Variants in SPINDOC observed in about 807,000 individuals in gnomAD.
SPINDOC encodes spindlin interactor and repressor of chromatin-binding protein.
A neutral mutation model predicts 30.7 loss-of-function variants in SPINDOC; 13 were observed. That is an observed-to-expected ratio of 0.42 (90% CI 0.28 to 0.67). SPINDOC has a LOEUF of 0.67. Ranked by LOEUF, SPINDOC falls within the 30% of genes least tolerant of loss-of-function variation. The pLI is 0.22. For missense variants in SPINDOC, 438 were observed against 518.0 expected, an observed-to-expected ratio of 0.85 and a Z score of 1.50; for synonymous variants, 228 against 211.4, an observed-to-expected ratio of 1.08 and a Z score of -0.68.
Position 63,813,721 on chromosome 11 carries a change from G to C in SPINDOC, c.35G>C (p.Cys12Ser), listed in dbSNP as rs778079108. Reference protein sequence around the residue: ...ALKAEGAALDCFEVTLKCEEG... With the variant: ...ALKAEGAALDSFEVTLKCEEG... ...AAGGCCGAGGGCGCCGCACTCGACT[G>C]CTTCGAGGTGACGCTGAAATGCGAG... The change falls in exon 1 of 6, where the codon TGC becomes TCC. Residue 12 changes from cysteine (C) to serine (S), a missense_variant. Cys to Ser is a moderately radical substitution (Grantham distance 112). Around this residue, in one of 3 missense-constraint regions of SPINDOC, gnomAD observed 129 missense variants for 152.7 expected, o/e 0.84. Transcript: ENST00000294244. 3 of 1,593,928 alleles carry C rather than the reference G, an allele frequency of 1.9e-6. No individual in the cohort carries two copies. In the Admixed American group the frequency reaches 5.2e-5, roughly 28 times the overall value.
At chr11:63,814,209 T>C (rs2015277046) in intron 1 of SPINDOC, among the ~76,000 whole-genome samples, 1 of 152,142 alleles carries the variant, frequency 6.6e-6, no homozygotes, top group African/African-American at 2.4e-5. Flanking sequence ...CCGGGCTGTG[T>C]TCTAGTCCGA....
At chr11:63,823,757 C>A (rs1461790077) in intron 5 of SPINDOC, among the ~76,000 whole-genome samples, 1 of 151,988 alleles carries the variant, frequency 6.6e-6, no homozygotes, top group Non-Finnish European at 1.5e-5. Context: ...CACCACCACA[C>A]CTGGCTAATT....
chr11:63,814,015 C>T (rs2015270064), intron 1 of SPINDOC, among the ~76,000 whole-genome samples: 1 of 152,210 alleles, frequency 6.6e-6, no homozygotes, highest in African/African-American at 2.4e-5. Flanking sequence ...CCTCGATTTC[C>T]CCCTCCCTTC....
chr11:63,817,090 A>C (rs2015361236), intron 1 of SPINDOC, among the ~76,000 whole-genome samples: 1 of 152,146 alleles, frequency 6.6e-6, no homozygotes, highest in Non-Finnish European at 1.5e-5. Flanking sequence ...CTAAGGCTGG[A>C]GGGTCCCTTG....
At chr11:63,822,603 C>T (rs1175404369) in intron 5 of SPINDOC, 10 of 1,288,912 alleles carry the variant, frequency 7.8e-6, no homozygotes, top group East Asian at 1.1e-4. Flanking sequence ...CACCCCTTCA[C>T]GTAGATCACA....
intron 5 of SPINDOC, chr11:63,822,979 C>T (rs2015568101): frequency 1.9e-6 from 2 of 1,072,702 alleles, no homozygotes; most frequent in Non-Finnish European, 2.5e-6. Context: ...AGGGTGTTGT[C>T]AGCAGTGGCA....
intron 5 of SPINDOC, among the ~76,000 whole-genome samples, chr11:63,823,819 C>T (rs1158990327): frequency 2.0e-5 from 3 of 151,868 alleles, no homozygotes; most frequent in South Asian, 2.1e-4. Context: ...AGGATGGTCT[C>T]GATCTCCTGA....
At chr11:63,822,606 A>T (rs1298989482) in intron 5 of SPINDOC, 45 of 1,288,900 alleles carry the variant, frequency 3.5e-5, no homozygotes, top group Non-Finnish European at 4.3e-5. Flanking sequence ...CCCTTCACGT[A>T]GATCACAGTT....
chr11:63,821,782 G>C (rs1480784275), intron 5 of SPINDOC, among the ~76,000 whole-genome samples: 1 of 152,112 alleles, frequency 6.6e-6, no homozygotes, highest in Non-Finnish European at 1.5e-5. Flanking sequence ...TTGAGACAGA[G>C]TCCCTGCCCA....
At chr11:63,821,585 A>T (rs114685127) in intron 5 of SPINDOC, among the ~76,000 whole-genome samples, 233 of 152,336 alleles carry the variant, frequency 1.5e-3, no homozygotes, top group African/African-American at 5.5e-3. Context: ...CATGCCAAGC[A>T]TAGTTTACAG....
chr11:63,817,306 A>T (rs2015367431), intron 1 of SPINDOC, among the ~76,000 whole-genome samples: 1 of 152,198 alleles, frequency 6.6e-6, no homozygotes, highest in East Asian at 1.9e-4. Flanking sequence ...AGATTACGCC[A>T]TTGCATTCCA....
intron 5 of SPINDOC, among the ~76,000 whole-genome samples, chr11:63,820,907 A>AAAAAAAAAAAAC (rs2015501781): frequency 6.8e-6 from 1 of 147,844 alleles, no homozygotes; most frequent in Admixed American, 6.8e-5. Context: ...AAAAAAAAAA[A>AAAAAAAAAAAAC]CAACACACAT....
chr11:63,827,165 G>A lies in SPINDOC; in HGVS notation c.*26G>A. ...ATTCTTGCTTTCCTGGGGAGGGAGG[G>A]AGGGATGAGGCAGCGTCCCCCAGTG... On this transcript the variant is annotated 3_prime_UTR_variant, in exon 6 of 6. Transcript: ENST00000294244. The A allele has an allele frequency of 1.4e-6, 2 of 1,476,790 alleles. No homozygotes were observed. Among genetic ancestry groups the A allele is most frequent in the Non-Finnish European group, 1.8e-6 (2 of 1,082,218 alleles). The allele number at this position is 1,476,790 out of a possible 1,614,324, so 91.5% of individuals were successfully genotyped here. A position where few individuals can be genotyped will look rare whatever the true frequency, so the allele number is the denominator to read the frequency against.
chr11:63,819,483 G>A (rs534605369), intron 5 of SPINDOC, among the ~76,000 whole-genome samples: 30 of 147,606 alleles, frequency 2.0e-4, no homozygotes, highest in African/African-American at 5.8e-4. Flanking sequence ...AGTACACCAC[G>A]CCTGGCCTAT....
At chr11:63,822,356 T>TAAAAAAAAAAAAAAAA (rs753315518) in intron 5 of SPINDOC, among the ~76,000 whole-genome samples, 113 of 58,620 alleles carry the variant, frequency 1.9e-3, no homozygotes, top group South Asian at 3.4e-3. Context: ...CTAGACTGTC[T>TAAAAAAAAAAAAAAAA]AAAAAAAAAA....
In SPINDOC at chr11:63,827,537, C is replaced by T. The variant is rs532713929; in HGVS notation, c.*398C>T. On this transcript the variant is annotated 3_prime_UTR_variant, in exon 6 of 6. Coordinates refer to ENST00000294244, the MANE Select transcript of SPINDOC (RefSeq NM_138471.3). ...CTGAGTCCCACTACCTCGGGGGACA[C>T]CTCTCCTCCCCACTTGTTCAGGCTT... 8.3e-6 allele frequency: 2 copies of T among 240,564 alleles called. No homozygotes were observed. The highest frequency in any genetic ancestry group is 9.3e-5 in the East Asian group (1 of 10,758). The allele number at this position is 240,564 out of a possible 1,614,324, so 14.9% of individuals were successfully genotyped here.
rs371764106 is a variant in SPINDOC, at chr11:63,818,355, C to T, written c.597C>T (p.Leu199=). ...GCCGGCCCAGGGGACTCCGCCCCCTCGAGCTTCCTGGTTAGTCAACAGAGA... is the reference window on the plus strand; with the variant it reads ...GCCGGCCCAGGGGACTCCGCCCCCTTGAGCTTCCTGGTTAGTCAACAGAGA... ...KRSRPRGLRP[L]ELPAVPATEP... Residue 199 remains leucine (L), a synonymous_variant, in exon 3 of 6, where the codon CTC becomes CTT. Coordinates refer to ENST00000294244, the MANE Select transcript of SPINDOC (RefSeq NM_138471.3). This position sits in a 1 kb window ranked among gnomAD's most constrained non-coding sequence, Gnocchi z 5.3. 6.1e-4 allele frequency: 988 copies of T among 1,613,806 alleles called. 11 individuals are homozygous for T. In the South Asian group the frequency reaches 8.5e-3, roughly 14 times the overall value.
At chr11:63,814,020 C>G (rs937906664) in intron 1 of SPINDOC, among the ~76,000 whole-genome samples, 2 of 152,248 alleles carry the variant, frequency 1.3e-5, no homozygotes, top group African/African-American at 4.8e-5. Context: ...ATTTCCCCCT[C>G]CCTTCCCCTT....
At chr11:63,816,969 A>ATGAGCTGAGATTACGCCATTGCATT (rs2015358460) in intron 1 of SPINDOC, among the ~76,000 whole-genome samples, 1 of 151,228 alleles carries the variant, frequency 6.6e-6, no homozygotes. Context: ...GGAGTTCACA[A>ATGAGCTGAGATTACGCCATTGCATT]CCAGCCTGGG....
Sources: allele counts gnomAD v4.1 joint callset (sites outside exome capture counted in the v4.1 genomes callset), GRCh38; gene constraint gnomAD v4.1.1; regional missense constraint gnomAD v4.1.1; non-coding constraint Gnocchi (gnomAD v3.1); transcripts MANE v1.5; gene names NCBI Gene and HGNC (gene_info 2026-07-23, HGNC 2026-07-21).